The following HORMAD2 variants were observed in gnomAD, a reference collection of about 807,000 sequenced individuals.
The protein encoded by HORMAD2 is HORMA domain containing 2.
HORMAD2 carries 45 observed loss-of-function variants against 38.8 expected under a neutral mutation model. The ratio of observed to expected loss-of-function variants is 1.16; its 90% CI spans 0.91 to 1.49. The LOEUF (loss-of-function observed/expected upper bound fraction) is 1.49. HORMAD2 is among the 40% of genes most tolerant of loss of function. The probability of loss-of-function intolerance (pLI) is 0.00; values close to 1 mark genes in which losing one functional copy is unlikely to be tolerated. For synonymous variants in HORMAD2, 126 were observed against 122.8 expected, an observed-to-expected ratio of 1.03 and a Z score of -0.17; for missense variants, 338 against 367.0, an observed-to-expected ratio of 0.92 and a Z score of 0.65.
chr22:30,108,752 A>G (rs954045267), intron 5 of HORMAD2, among the ~76,000 whole-genome samples: 1 of 152,172 alleles, frequency 6.6e-6, no homozygotes, highest in Admixed American at 6.5e-5. Context: ...GATTGGGACC[A>G]TGTCTATTTT....
At chr22:30,111,381 G>T (rs866610763) in intron 5 of HORMAD2, among the ~76,000 whole-genome samples, 2 of 152,072 alleles carry the variant, frequency 1.3e-5, no homozygotes, top group South Asian at 2.1e-4. Flanking sequence ...AGCTACTCAG[G>T]AGGCTGAAGC....
chr22:30,140,867 T>C (rs1354665967), intron 10 of HORMAD2, among the ~76,000 whole-genome samples: 3 of 152,220 alleles, frequency 2.0e-5, no homozygotes. Context: ...GAAAGTTAGG[T>C]TATTTGAGAT....
At chr22:30,130,586 C>CTTTTTTTTT (rs66636269) in intron 10 of HORMAD2, among the ~76,000 whole-genome samples, 46 of 87,808 alleles carry the variant, frequency 5.2e-4, no homozygotes, top group South Asian at 8.1e-4. Flanking sequence ...CTTTTCTTTT[C>CTTTTTTTTT]TTTTTTTTTT....
upstream of HORMAD2, among the ~76,000 whole-genome samples, chr22:30,077,943 A>AAAC (rs2068403813): frequency 1.3e-5 from 2 of 152,230 alleles, no homozygotes; most frequent in Non-Finnish European, 2.9e-5. Flanking sequence ...GAATACCTTC[A>AAAC]ATGAACATAA....
chr22:30,155,495 A>G (rs1925014637), intron 10 of HORMAD2, among the ~76,000 whole-genome samples: 1 of 152,018 alleles, frequency 6.6e-6, no homozygotes. Context: ...ACTTCCTTAC[A>G]TCCTGTTACA....
the HORMAD2 span, among the ~76,000 whole-genome samples, chr22:30,193,348 T>A: frequency 1.3e-4 from 20 of 152,294 alleles, no homozygotes; most frequent in African/African-American, 4.8e-4. Flanking sequence ...GGGCAGTGAA[T>A]ACACACTGGG....
chr22:30,078,995 T>C (rs2068424120), upstream of HORMAD2, among the ~76,000 whole-genome samples: 1 of 152,084 alleles, frequency 6.6e-6, no homozygotes, highest in Admixed American at 6.6e-5. Context: ...AGAGAAATTT[T>C]TGGTTGTTAT....
At chr22:30,123,591 T>G (rs2146133659) in intron 10 of HORMAD2, among the ~76,000 whole-genome samples, 1 of 152,186 alleles carries the variant, frequency 6.6e-6, no homozygotes, top group East Asian at 1.9e-4. Context: ...CACTTTGACC[T>G]CCCAAAGTGC....
chr22:30,115,684 G>A (rs576078388), intron 7 of HORMAD2, among the ~76,000 whole-genome samples: 2 of 152,186 alleles, frequency 1.3e-5, no homozygotes, highest in East Asian at 3.9e-4. Flanking sequence ...TTATGAGGTA[G>A]GATAAACAAT....
At chr22:30,174,438 T>A (rs2123745601) in intron 10 of HORMAD2, among the ~76,000 whole-genome samples, 1 of 152,318 alleles carries the variant, frequency 6.6e-6, no homozygotes, top group South Asian at 2.1e-4. Context: ...CCCTGGCTGA[T>A]AACATACTTG....
chr22:30,169,440 A>G (rs1424464885), intron 10 of HORMAD2, among the ~76,000 whole-genome samples: 1 of 152,256 alleles, frequency 6.6e-6, no homozygotes. Context: ...GAACTTATGT[A>G]ACAACTTTTG....
chr22:30,108,476 C>T (rs150153428), intron 5 of HORMAD2, among the ~76,000 whole-genome samples: 1 of 152,240 alleles, frequency 6.6e-6, no homozygotes, highest in African/African-American at 2.4e-5. Flanking sequence ...TGCCTGGAAA[C>T]TTCTCTCCCC....
intron 3 of HORMAD2, among the ~76,000 whole-genome samples, chr22:30,101,709 A>G (rs1375266009): frequency 1.3e-5 from 2 of 152,158 alleles, no homozygotes; most frequent in Admixed American, 6.6e-5. Context: ...TTCAAAATCT[A>G]ATTTTAAATT....
chr22:30,088,040 T>TACACACGTACACACGTATACATATAC, intron 1 of HORMAD2, among the ~76,000 whole-genome samples: 1 of 141,534 alleles, frequency 7.1e-6, no homozygotes, highest in Middle Eastern at 3.6e-3. Context: ...TATATGTGTA[T>TACACACGTACACACGTATACATATAC]ACACACGTAC....
intron 10 of HORMAD2, among the ~76,000 whole-genome samples, chr22:30,142,143 G>A (rs572148590): frequency 1.6e-4 from 24 of 152,204 alleles, no homozygotes; most frequent in African/African-American, 5.5e-4. Context: ...CCCAGGCGTG[G>A]TGGCATGCGC....
At chr22:30,164,815 G>A (rs770910747) in intron 10 of HORMAD2, among the ~76,000 whole-genome samples, 5 of 152,122 alleles carry the variant, frequency 3.3e-5, no homozygotes, top group Non-Finnish European at 7.4e-5. Context: ...TTTTGTTGTT[G>A]TTGAGTTGTA....
At chr22:30,103,649 A>ATTTTTTTTG (rs1920984237) in intron 4 of HORMAD2, 149 bp downstream of exon 4, 1 of 68,232 alleles carries the variant, frequency 1.5e-5, no homozygotes, top group African/African-American at 1.3e-4. Context: ...TCTGTTTTTG[A>ATTTTTTTTG]TTTTTTTTTT....
chr22:30,158,611 G>GTCCATCCC (rs1925250704), intron 10 of HORMAD2, among the ~76,000 whole-genome samples: 1 of 44,486 alleles, frequency 2.2e-5, no homozygotes. Context: ...CCCTCCCTCC[G>GTCCATCCC]TCCCTCCCTC....
At chr22:30,149,075 T>C (rs1241067953) in intron 10 of HORMAD2, among the ~76,000 whole-genome samples, 1 of 152,218 alleles carries the variant, frequency 6.6e-6, no homozygotes, top group East Asian at 1.9e-4. Flanking sequence ...TAACAACTTT[T>C]CCGTGTATAA....
Sources: gnomAD v4.1 joint callset for allele counts (sites outside exome capture counted in the v4.1 genomes callset) on GRCh38, gnomAD v4.1.1 for gene constraint, MANE v1.5 for transcripts, NCBI Gene and HGNC (gene_info 2026-07-23, HGNC 2026-07-21) for gene names.